Variants in NCAPH2 observed in about 807,000 individuals in gnomAD.
The protein encoded by NCAPH2 is condensin-2 complex subunit H2.
In NCAPH2, 56 loss-of-function variants were observed where a neutral mutation model predicts 88.6. That is an observed-to-expected ratio of 0.63 (90% CI 0.51 to 0.79). NCAPH2 has a LOEUF of 0.79. Ranked by LOEUF, NCAPH2 falls within the 30% of genes least tolerant of loss-of-function variation. NCAPH2 has a pLI of 0.00. For synonymous variants in NCAPH2, 378 were observed against 313.6 expected, an observed-to-expected ratio of 1.21 and a Z score of -2.17; for missense variants, 794 against 792.0, an observed-to-expected ratio of 1.00 and a Z score of -0.03.
chr22:50,523,434 C>T lies in NCAPH2; in HGVS notation c.*59C>T. 2.6e-6 allele frequency: 4 copies of T among 1,522,498 alleles called. No individual in the cohort carries two copies. The highest frequency in any genetic ancestry group is 3.5e-6 in the Non-Finnish European group (4 of 1,134,098). The allele number at this position is 1,522,498 out of a possible 1,614,324, so 94.3% of individuals were successfully genotyped here. A position where few individuals can be genotyped will look rare whatever the true frequency, so the allele number is the denominator to read the frequency against. On this transcript the variant is annotated 3_prime_UTR_variant, in exon 20 of 20. Coordinates refer to ENST00000420993, the MANE Select transcript of NCAPH2 (RefSeq NM_152299.4). ...GTACTGAGGAGCCGTGTGTCTGCTC[C>T]TGGCTGGCCCGGCCTAATAAAGCAG...
At chr22:50,509,093 A>C (rs1238437361) in intron 1 of NCAPH2, among the ~76,000 whole-genome samples, 3 of 152,098 alleles carry the variant, frequency 2.0e-5, no homozygotes, top group Non-Finnish European at 2.9e-5. Flanking sequence ...TTTTTGAAAC[A>C]TGGTGGTAGG....
chr22:50,522,369 AGAG>A lies in NCAPH2; in HGVS notation c.1266_1268del (p.Glu422del). ...TGGCTGAGCAGTGGCTGCGGCCTGC[AGAG>A]GAGGACCACCTGGAGGATTCCCTGG... On this transcript the variant is annotated inframe_deletion, in exon 15 of 20. Transcript: ENST00000420993. 1.2e-6 allele frequency: 2 copies of A among 1,607,854 alleles called. No individual in the cohort carries two copies. The highest frequency in any genetic ancestry group is 1.1e-5 in the South Asian group (1 of 90,260).
rs760658504 is a variant in NCAPH2, at chr22:50,523,030, C to T, written c.1541C>T (p.Pro514Leu). ...TCCCCTGTGCAGGAGCAGCATGTGC[C>T]CTTTGACATCCACACCTATGGGGAC... ...PLLQEQEQHV[P>L]FDIHTYGDQL... Residue 514 changes from proline to leucine, a missense_variant, in exon 19 of 20, where the codon CCC (proline) becomes CTC (leucine). Physicochemically the swap from Pro to Leu is moderately conservative, Grantham distance 98. Transcript: ENST00000420993. 14 of 1,600,782 alleles carry T rather than the reference C, an allele frequency of 8.7e-6. No homozygotes were observed. Among genetic ancestry groups the T allele is most frequent in the Non-Finnish European group, 1.1e-5 (13 of 1,171,382 alleles).
chr22:50,524,767 A>G lies in NCAPH2; in HGVS notation c.*1392A>G, dbSNP rs131810. ...CACGTTATCTATTTGCAATAAACCC[A>G]TTTCTTAAAAGGAGGTGGGTAACTC... is the stretch of plus-strand genomic sequence containing the variant. On this transcript the variant is annotated 3_prime_UTR_variant, in exon 20 of 20. Transcript: ENST00000420993. 394 of 447,056 alleles carry G rather than the reference A, an allele frequency of 8.8e-4. 2 individuals are homozygous for G. The highest frequency in any genetic ancestry group is 1.6e-3 in the Non-Finnish European group (361 of 222,454). 27.7% of individuals were successfully genotyped at this position (447,056 alleles called of 1,614,324 possible).
intron 1 of NCAPH2, among the ~76,000 whole-genome samples, chr22:50,513,956 G>GT (rs2068852022): frequency 6.6e-6 from 1 of 152,078 alleles, no homozygotes; most frequent in Non-Finnish European, 1.5e-5. Flanking sequence ...AAGGATTGGA[G>GT]TTTTTACAAA....
chr22:50,522,783 T>G (rs746927942), intron 17 of NCAPH2, 38 bp from the exon 18 acceptor site: 1 of 1,612,534 alleles, frequency 6.2e-7, no homozygotes, highest in South Asian at 1.1e-5. Flanking sequence ...CCCAGGCCCC[T>G]GCTTGGGAGG....
rs761176751 is a variant in NCAPH2 at position 50,523,315 on chromosome 22, G to A, written c.1758G>A (p.Thr586=). 9.5e-6 allele frequency: 15 copies of A among 1,586,562 alleles called. No individual in the cohort carries two copies. Among genetic ancestry groups the A allele is most frequent in the South Asian group, 4.6e-5 (4 of 87,804 alleles). Residue 586 remains threonine, a synonymous_variant, in exon 20 of 20, where the codon ACG becomes ACA. Coordinates refer to ENST00000420993, the MANE Select transcript of NCAPH2 (RefSeq NM_152299.4). Reference sequence around the variant, plus strand: ...ACACCATGTCCCTGAGACTGCTCACGCACCAGCGAGCGCACAAGCGCTTCC... The same window carrying A: ...ACACCATGTCCCTGAGACTGCTCACACACCAGCGAGCGCACAAGCGCTTCC... ...AVDTMSLRLL[T]HQRAHKRFQT...
chr22:50,518,277 G>C lies in NCAPH2; in HGVS notation c.645G>C (p.Lys215Asn). Reference protein sequence around the residue: ...AGVSPMPGTQKDTGRTEEQPM... With the variant: ...AGVSPMPGTQNDTGRTEEQPM... ...TTTCCCCCATGCCAGGGACCCAGAA[G>C]GGTGAGGGCTTGGATGCGGGGGGCT... Residue 215 changes from lysine (K) to asparagine (N), a missense_variant and splice_region_variant, in exon 7 of 20, where the codon AAG becomes AAC. Coordinates refer to ENST00000420993, the MANE Select transcript of NCAPH2 (RefSeq NM_152299.4). 1 of 1,612,456 alleles carries C rather than the reference G, an allele frequency of 6.2e-7. No individual in the cohort carries two copies. Among genetic ancestry groups the C allele is most frequent in the Non-Finnish European group, 8.5e-7 (1 of 1,179,746 alleles).
chr22:50,518,369 G>C, intron 7 of NCAPH2, 91 bp downstream of exon 7: 3 of 1,525,132 alleles, frequency 2.0e-6, no homozygotes, highest in Non-Finnish European at 2.6e-6. Context: ...GCCACCTCTG[G>C]TCTTGGGAGC....
Position 50,522,265 on chromosome 22 carries a change from G to T in NCAPH2, c.1233+14G>T, listed in dbSNP as rs116154263. The T allele has an allele frequency of 1.9e-6, 3 of 1,612,682 alleles. No homozygotes were observed. The highest frequency in any genetic ancestry group is 1.7e-4 in the Middle Eastern group (1 of 6,054). On this transcript the variant is annotated intron_variant, in intron 14 of 19. Coordinates refer to ENST00000420993, the MANE Select transcript of NCAPH2 (RefSeq NM_152299.4). The stretch of plus-strand genomic sequence containing the variant: ...CAGAGGAGGGAGGCAAGTCCCAGCT[G>T]GTCAGCTGTGATCTAGGACCCCGTG...
Position 50,522,533 on chromosome 22 carries a change from C to T in NCAPH2, c.1339C>T (p.Pro447Ser). ...DFLEPEEYME[P>S]EGADPREAAD... ...TCTAGAGCCTGAGGAGTACATGGAG[C>T]CCGAGGGAGCAGACCCCAGGGAAGC... The change falls in exon 16 of 20, where the codon CCC becomes TCC. Residue 447 changes from proline to serine, a missense_variant. Coordinates refer to ENST00000420993, the MANE Select transcript of NCAPH2 (RefSeq NM_152299.4). 1 of 1,613,762 alleles carries T rather than the reference C, an allele frequency of 6.2e-7. No homozygotes were observed. Among genetic ancestry groups the T allele is most frequent in the Non-Finnish European group, 8.5e-7 (1 of 1,179,960 alleles).
chr22:50,511,670 GA>G (rs1168648949), intron 1 of NCAPH2, among the ~76,000 whole-genome samples: 5 of 139,398 alleles, frequency 3.6e-5, no homozygotes, highest in African/African-American at 1.5e-4. Flanking sequence ...TCTTGAGACA[GA>G]GTCTTGCCCT....
At chr22:50,517,885 T>G in intron 5 of NCAPH2, 76 bp downstream of exon 5, 1 of 1,601,482 alleles carries the variant, frequency 6.2e-7, no homozygotes, top group Non-Finnish European at 8.5e-7. Context: ...GCTGATGGGG[T>G]GTGGGAAGGT....
Position 50,517,598 on chromosome 22 carries a change from G to C in NCAPH2, c.288G>C (p.Ser96=). Residue 96 remains serine, a synonymous_variant, in exon 4 of 20, where the codon TCG becomes TCC. Coordinates refer to ENST00000420993, the MANE Select transcript of NCAPH2 (RefSeq NM_152299.4). ...TCAGGCGGGCCAAGCAGCTCTCTTC[G>C]GTGCAGGAGGACAGGGCCAATGGGG... ...SGKRRAKQLS[S]VQEDRANGVA... 6.2e-7 allele frequency: 1 copy of C among 1,614,070 alleles called. No individual in the cohort carries two copies. Among genetic ancestry groups the C allele is most frequent in the Non-Finnish European group, 8.5e-7 (1 of 1,180,012 alleles).
At position 50,515,593 on chromosome 22, in the gene NCAPH2, T is replaced by C. The variant is rs1193795213; in HGVS notation, c.109-854T>C. 8.0e-5 allele frequency: 50 copies of C among 622,290 alleles called. 1 individual carries two copies. In the South Asian group the frequency reaches 9.3e-4, roughly 12 times the overall value. The allele number at this position is 622,290 out of a possible 1,614,324, so 38.5% of individuals were successfully genotyped here. ...TTGTATTTTTAGTAGAGACGAGGTT[T>C]CACCGTGTTAGCCAGGATGGTCTCG... is the stretch of plus-strand genomic sequence containing the variant. On this transcript the variant is annotated intron_variant, in intron 1 of 19. Transcript: ENST00000420993.
At chr22:50,518,077 G>A (rs2068978717) in intron 6 of NCAPH2, 25 bp downstream of exon 6, 1 of 1,613,540 alleles carries the variant, frequency 6.2e-7, no homozygotes. Context: ...CCAGCGACGG[G>A]GAGGGAGGCC....
chr22:50,518,069 A>T lies in NCAPH2; in HGVS notation c.500+17A>T, dbSNP rs759609863. ...CCTGTACAGGTAGGGATCTGAGCCC[A>T]GCGACGGGGAGGGAGGCCTGCCTGG... On this transcript the variant is annotated intron_variant, in intron 6 of 19. Transcript: ENST00000420993. 47 of 1,613,506 alleles carry T rather than the reference A, an allele frequency of 2.9e-5. No individual in the cohort carries two copies. Among genetic ancestry groups the T allele is most frequent in the Non-Finnish European group, 4.2e-6 (5 of 1,179,712 alleles).
chr22:50,510,073 C>T (rs1200706138), intron 1 of NCAPH2, among the ~76,000 whole-genome samples: 1 of 152,204 alleles, frequency 6.6e-6, no homozygotes, highest in Non-Finnish European at 1.5e-5. Context: ...AGGCGCCCGC[C>T]TCCACGCCCA....
intron 2 of NCAPH2, among the ~76,000 whole-genome samples, chr22:50,516,998 C>T (rs974625482): frequency 2.3e-4 from 35 of 152,312 alleles, no homozygotes; most frequent in African/African-American, 8.4e-4. Flanking sequence ...TGGGACAGGG[C>T]AGGGCCAGGA....
Sources: allele counts gnomAD v4.1 joint callset (sites outside exome capture counted in the v4.1 genomes callset), GRCh38; gene constraint gnomAD v4.1.1; transcripts MANE v1.5; gene names NCBI Gene and HGNC (gene_info 2026-07-23, HGNC 2026-07-21).